CCM2: variants seen among roughly 807,000 people sequenced by gnomAD.
CCM2 encodes cerebral cavernous malformations 2 protein.
Under a neutral mutation model 44.9 loss-of-function variants are expected in CCM2, and 25 were observed. The ratio of observed to expected loss-of-function variants is 0.56; its 90% CI spans 0.41 to 0.78. The LOEUF (loss-of-function observed/expected upper bound fraction) is 0.78, where lower values mean the gene tolerates loss of function less well. Ranked by LOEUF, CCM2 falls within the 30% of genes least tolerant of loss-of-function variation. The pLI is 0.00. For missense variants in CCM2, 481 were observed against 580.6 expected (o/e 0.83, Z 1.76); for synonymous variants, 219 against 241.1 (o/e 0.91, Z 0.85).
intron 1 of CCM2, 151 bp from the exon 2 acceptor site, chr7:45,038,102 G>A: frequency 1.1e-6 from 1 of 924,720 alleles, no homozygotes; most frequent in Non-Finnish European, 1.7e-6. Flanking sequence ...CTTGTGTGCT[G>A]TTGGTACCTT....
chr7:45,032,679 C>T (rs1350840407), intron 1 of CCM2, among the ~76,000 whole-genome samples: 1 of 152,144 alleles, frequency 6.6e-6, no homozygotes, highest in Non-Finnish European at 1.5e-5. Context: ...TCCAAGCGTT[C>T]CATCAAGAGT....
At chr7:45,012,284 C>A (rs1796097014) in intron 1 of CCM2, among the ~76,000 whole-genome samples, 1 of 151,878 alleles carries the variant, frequency 6.6e-6, no homozygotes, top group Non-Finnish European at 1.5e-5. Flanking sequence ...CAGGCATGCA[C>A]CACCATGCCC....
rs1231055029 is a variant in CCM2 at position 45,006,211 on chromosome 7, A to AC, written c.30+5848_30+5849insC. Among the ~76,000 whole-genome samples, 6 of 152,244 alleles carry AC rather than the reference A, an allele frequency of 3.9e-5. No homozygotes were observed. The East Asian group carries it at 9.7e-4, about 24-fold the overall frequency. On this transcript the variant is annotated intron_variant, in intron 1 of 9. Coordinates refer to ENST00000258781, the MANE Select transcript of CCM2 (RefSeq NM_031443.4). ...TGCCCATGTGTGGGCAGTCAGTTTC[A>AC]TGTGCACCTTCTCCTCATTCCTGCT...
At chr7:45,058,338 C>CT (rs1246678457) in intron 2 of CCM2, among the ~76,000 whole-genome samples, 2 of 151,814 alleles carry the variant, frequency 1.3e-5, no homozygotes, top group East Asian at 3.9e-4. Context: ...TTTTTTAATA[C>CT]TTTAAGTTTT....
At chr7:45,043,113 C>CAGT (rs1797591493) in intron 2 of CCM2, among the ~76,000 whole-genome samples, 1 of 151,894 alleles carries the variant, frequency 6.6e-6, no homozygotes, top group Admixed American at 6.6e-5. Flanking sequence ...GCTGAGACTA[C>CAGT]AGGTGCCTGC....
rs191066760 is a variant in CCM2 at position 45,066,926 on chromosome 7, A to G, written c.473-1517A>G. 1.9e-3 allele frequency among the ~76,000 whole-genome samples: 288 copies of G among 147,890 alleles called. 1 individual carries two copies. Among genetic ancestry groups the G allele is most frequent in the African/African-American group, 6.9e-3 (274 of 39,978 alleles). On this transcript the variant is annotated intron_variant, in intron 4 of 9. Coordinates refer to ENST00000258781, the MANE Select transcript of CCM2 (RefSeq NM_031443.4). ...ATTTTTTTTTTTTTTTTTGAGACGG[A>G]GTCTCGCTGTGTTGCCCAGGCTGGA...
intron 1 of CCM2, among the ~76,000 whole-genome samples, chr7:45,012,834 G>A (rs1583845982): frequency 6.6e-6 from 1 of 151,976 alleles, no homozygotes; most frequent in African/African-American, 2.4e-5. Context: ...CCTTGAGCCA[G>A]CCACACCTGG....
At chr7:45,001,146 T>G (rs1458630641) in intron 1 of CCM2, among the ~76,000 whole-genome samples, 1 of 152,242 alleles carries the variant, frequency 6.6e-6, no homozygotes, top group African/African-American at 2.4e-5. Flanking sequence ...AATTCCTAAC[T>G]ATGATTTTAC....
At chr7:45,059,174 C>T (rs1798406149) in intron 2 of CCM2, among the ~76,000 whole-genome samples, 2 of 152,122 alleles carry the variant, frequency 1.3e-5, no homozygotes, top group East Asian at 3.8e-4. Flanking sequence ...AGTCACTGCC[C>T]CCGCTACGAT....
chr7:45,004,264 T>G (rs567662688), intron 1 of CCM2, among the ~76,000 whole-genome samples: 1 of 152,292 alleles, frequency 6.6e-6, no homozygotes, highest in East Asian at 1.9e-4. Context: ...TTGTTGGGTA[T>G]GATAATTAAG....
intron 1 of CCM2, among the ~76,000 whole-genome samples, chr7:45,013,401 T>C (rs1374166150): frequency 1.3e-5 from 2 of 151,952 alleles, no homozygotes; most frequent in Non-Finnish European, 2.9e-5. Context: ...GCACACAGAG[T>C]ATATACAGAG....
intron 1 of CCM2, among the ~76,000 whole-genome samples, chr7:45,037,009 G>A (rs764612796): frequency 1.3e-4 from 20 of 152,070 alleles, no homozygotes; most frequent in Admixed American, 6.6e-4. Context: ...TCTTAGTCAC[G>A]GCTCTGGTTT....
intron 2 of CCM2, among the ~76,000 whole-genome samples, chr7:45,042,209 T>C (rs1156425918): frequency 7.6e-6 from 1 of 131,884 alleles, no homozygotes; most frequent in Admixed American, 8.8e-5. Flanking sequence ...GAGATTGCAG[T>C]GAGCTGAGAT....
chr7:45,050,620 G>A (rs1183273520), intron 2 of CCM2, among the ~76,000 whole-genome samples: 2 of 152,186 alleles, frequency 1.3e-5, no homozygotes, highest in African/African-American at 4.8e-5. Flanking sequence ...GTGAGGTTGA[G>A]TGTCTTTCAA....
rs114844860 is a variant in CCM2, at chr7:45,076,226, G to A, written c.*169G>A. ...CTCTACTGTGAAGGAGCAGGGAGCT[G>A]CCGAGGGACACGAGCCTCAGTGCGG... On this transcript the variant is annotated 3_prime_UTR_variant, in exon 10 of 10. Coordinates refer to ENST00000258781, the MANE Select transcript of CCM2 (RefSeq NM_031443.4). 4.3e-6 allele frequency: 4 copies of A among 921,592 alleles called. No individual in the cohort carries two copies. In the East Asian group the frequency reaches 7.9e-5, roughly 18 times the overall value. 57.1% of individuals were successfully genotyped at this position (921,592 alleles called of 1,614,324 possible). A position where few individuals can be genotyped will look rare whatever the true frequency, so the allele number is the denominator to read the frequency against.
chr7:45,013,429 C>T (rs542139833), intron 1 of CCM2, among the ~76,000 whole-genome samples: 46 of 152,174 alleles, frequency 3.0e-4, no homozygotes, highest in East Asian at 2.1e-3. Context: ...AGCCCTCATA[C>T]GCCTTCCACC....
At chr7:45,029,268 A>G (rs1455142049) in intron 1 of CCM2, among the ~76,000 whole-genome samples, 1 of 152,158 alleles carries the variant, frequency 6.6e-6, no homozygotes, top group Non-Finnish European at 1.5e-5. Flanking sequence ...GCCTTTTTAT[A>G]ATACTTTAAA....
chr7:45,006,222 C>G (rs913283072), intron 1 of CCM2, among the ~76,000 whole-genome samples: 1 of 152,218 alleles, frequency 6.6e-6, no homozygotes, highest in African/African-American at 2.4e-5. Flanking sequence ...TGTGCACCTT[C>G]TCCTCATTCC....
At chr7:45,058,356 A>T (rs919980333) in intron 2 of CCM2, among the ~76,000 whole-genome samples, 4 of 152,044 alleles carry the variant, frequency 2.6e-5, no homozygotes. Flanking sequence ...TTTAGGGTAC[A>T]TGTGCACAAC....
Sources: allele counts gnomAD v4.1 joint callset (sites outside exome capture counted in the v4.1 genomes callset), GRCh38; gene constraint gnomAD v4.1.1; transcripts MANE v1.5; gene names NCBI Gene and HGNC (gene_info 2026-07-23, HGNC 2026-07-21).